Variants in DCK observed in about 807,000 individuals in gnomAD.
DCK encodes the protein deoxyadenosine kinase.
Under a neutral mutation model 38.3 loss-of-function variants are expected in DCK, and 23 were observed. The observed-to-expected ratio is 0.60, with a 90% confidence interval of 0.43 to 0.85. DCK has a LOEUF of 0.85. Ranked by LOEUF, DCK falls within the 40% of genes least tolerant of loss-of-function variation. DCK has a pLI of 0.00. For missense variants in DCK, 259 were observed against 304.4 expected (o/e 0.85, Z 1.11); for synonymous variants, 108 against 100.6 (o/e 1.07, Z -0.44).
chr4:71,010,093 G>A (rs1400176613), intron 2 of DCK, among the ~76,000 whole-genome samples: 1 of 151,646 alleles, frequency 6.6e-6, no homozygotes, highest in Admixed American at 6.6e-5. Flanking sequence ...GGAAGAATTG[G>A]GCCTTTGGTA....
At chr4:70,997,691 T>G (rs1739691351) in intron 1 of DCK, among the ~76,000 whole-genome samples, 1 of 152,222 alleles carries the variant, frequency 6.6e-6, no homozygotes, top group Non-Finnish European at 1.5e-5. Context: ...CATCTGTGTG[T>G]GTGTGCACGC....
intron 2 of DCK, chr4:71,006,367 G>GT: frequency 1.5e-6 from 1 of 686,362 alleles, no homozygotes; most frequent in Non-Finnish European, 1.8e-6. Context: ...AAAATGTATG[G>GT]TTGTATGTGT....
At chr4:71,021,371 G>A (rs371948466) in intron 2 of DCK, among the ~76,000 whole-genome samples, 5 of 152,266 alleles carry the variant, frequency 3.3e-5, no homozygotes, top group South Asian at 2.1e-4. Flanking sequence ...CACCGCGCCC[G>A]GCCTGCTATT....
chr4:71,006,050 C>T (rs1441975653), intron 2 of DCK, among the ~76,000 whole-genome samples: 5 of 138,882 alleles, frequency 3.6e-5, no homozygotes, highest in African/African-American at 1.1e-4. Context: ...TGCTTGAACC[C>T]GGGAGGTGGA....
At chr4:71,017,893 C>T (rs991125597) in intron 2 of DCK, among the ~76,000 whole-genome samples, 10 of 151,658 alleles carry the variant, frequency 6.6e-5, no homozygotes, top group Admixed American at 5.9e-4. Context: ...CAAACCTGCA[C>T]GTTGTGCACA....
At chr4:70,997,880 T>G (rs1739695378) in intron 1 of DCK, among the ~76,000 whole-genome samples, 187 bp from the exon 2 acceptor site, 1 of 152,258 alleles carries the variant, frequency 6.6e-6, no homozygotes, top group Admixed American at 6.5e-5. Context: ...ACAAATGTGC[T>G]TAATGAAATT....
At chr4:71,024,567 G>A (rs906463339) in intron 4 of DCK, among the ~76,000 whole-genome samples, 3 of 151,998 alleles carry the variant, frequency 2.0e-5, no homozygotes, top group African/African-American at 4.8e-5. Flanking sequence ...TGTTGCTGTC[G>A]AAGCTGGGTT....
intron 3 of DCK, 66 bp from the exon 4 acceptor site, chr4:71,023,492 TC>T: frequency 9.5e-7 from 1 of 1,050,256 alleles, no homozygotes; most frequent in Middle Eastern, 2.2e-4. Context: ...ATGTTCCTGT[TC>T]TCTTTTTTAT....
At chr4:71,024,126 A>G (rs1740493631) in intron 4 of DCK, among the ~76,000 whole-genome samples, 1 of 152,166 alleles carries the variant, frequency 6.6e-6, no homozygotes, top group South Asian at 2.1e-4. Context: ...TGGAGCATAT[A>G]GTAGGAGCTC....
chr4:71,028,750 G>T, intron 6 of DCK: 1 of 311,440 alleles, frequency 3.2e-6, no homozygotes, highest in Non-Finnish European at 6.0e-6. Flanking sequence ...ACGCCTCCAT[G>T]CCTAGCTAAT....
chr4:71,021,507 A>G (rs1255060977), intron 2 of DCK, among the ~76,000 whole-genome samples: 1 of 152,236 alleles, frequency 6.6e-6, no homozygotes, highest in Non-Finnish European at 1.5e-5. Flanking sequence ...TGGGGCAGGA[A>G]CTATTGTATT....
At position 71,025,905 on chromosome 4, in the gene DCK, A is replaced by G; in HGVS notation, c.639A>G (p.Glu213=). ...TAGAGAAGCTTCATTATAAACATGA[A>G]AGCTGGCTCCTGCATAGGACACTGA... The part of the protein sequence containing the change: ...EYLEKLHYKH[E]SWLLHRTLKT... The change falls in exon 5 of 7, where the codon GAA becomes GAG. Residue 213 remains glutamate (E), a synonymous_variant. Coordinates refer to ENST00000286648, the MANE Select transcript of DCK (RefSeq NM_000788.3). 1 of 1,610,202 alleles carries G rather than the reference A, an allele frequency of 6.2e-7. No individual in the cohort carries two copies. The highest frequency in any genetic ancestry group is 8.5e-7 in the Non-Finnish European group (1 of 1,178,094).
At chr4:71,012,288 C>T (rs1740120547) in intron 2 of DCK, among the ~76,000 whole-genome samples, 1 of 152,168 alleles carries the variant, frequency 6.6e-6, no homozygotes, top group African/African-American at 2.4e-5. Context: ...CTGGGTGGAG[C>T]CCACCGCTGC....
intron 2 of DCK, chr4:71,006,342 AT>A: frequency 1.3e-5 from 12 of 894,078 alleles, no homozygotes; most frequent in Non-Finnish European, 1.5e-5. Context: ...GTTCAGTGTC[AT>A]TTTTTTAAAT....
At chr4:71,027,957 A>C (rs1255994604) in intron 6 of DCK, among the ~76,000 whole-genome samples, 2 of 152,128 alleles carry the variant, frequency 1.3e-5, no homozygotes, top group East Asian at 3.8e-4. Flanking sequence ...CTAGCAGTTG[A>C]CTTTCTTATT....
At chr4:71,022,246 T>A in intron 2 of DCK, 121 bp from the exon 3 acceptor site, 2 of 536,480 alleles carry the variant, frequency 3.7e-6, no homozygotes. Flanking sequence ...CTTAATCATC[T>A]TGGTTTTGCT....
chr4:71,022,696 T>C (rs1009422488), intron 3 of DCK, 136 bp downstream of exon 3: 4 of 482,636 alleles, frequency 8.3e-6, no homozygotes, highest in Non-Finnish European at 1.4e-5. Context: ...AAATGACATT[T>C]AAATCCCTCA....
chr4:71,026,895 G>GT (rs1363329995), intron 6 of DCK, 140 bp downstream of exon 6: 8 of 496,728 alleles, frequency 1.6e-5, no homozygotes, highest in Non-Finnish European at 2.9e-5. Context: ...ATTTTGGACT[G>GT]TTTAAGATTC....
intron 6 of DCK, chr4:71,028,715 C>T: frequency 2.4e-6 from 1 of 418,520 alleles, no homozygotes; most frequent in Admixed American, 2.8e-5. Flanking sequence ...GCCTCAGCCT[C>T]CTAAGTAGGT....
Sources: allele counts gnomAD v4.1 joint callset (sites outside exome capture counted in the v4.1 genomes callset), GRCh38; gene constraint gnomAD v4.1.1; transcripts MANE v1.5; gene names NCBI Gene and HGNC (gene_info 2026-07-23, HGNC 2026-07-21).